Variants in FNTB observed in about 807,000 individuals in gnomAD.
FNTB encodes protein farnesyltransferase subunit beta.
FNTB carries 27 observed loss-of-function variants against 59.4 expected under a neutral mutation model. That is an observed-to-expected ratio of 0.45 (90% CI 0.34 to 0.63). FNTB has a LOEUF of 0.63. FNTB is among the 20% of genes least tolerant of loss of function. FNTB has a pLI of 0.02. For synonymous variants in FNTB, 230 were observed against 220.7 expected (o/e 1.04, Z -0.37); for missense variants, 449 against 559.6 (o/e 0.80, Z 1.99).
intron 7 of FNTB, among the ~76,000 whole-genome samples, chr14:65,037,346 G>T (rs145164527): frequency 7.5e-6 from 1 of 133,700 alleles, no homozygotes; most frequent in Non-Finnish European, 1.5e-5. Context: ...TCAAGTGATC[G>T]CCTGCCTCGG....
At chr14:65,050,311 G>A (rs1388857405) in intron 9 of FNTB, among the ~76,000 whole-genome samples, 1 of 152,180 alleles carries the variant, frequency 6.6e-6, no homozygotes, top group Non-Finnish European at 1.5e-5. Flanking sequence ...AGTAACTAAA[G>A]CTGGCCGGGC....
At chr14:65,057,468 T>C (rs2062762094) in intron 11 of FNTB, among the ~76,000 whole-genome samples, 1 of 152,168 alleles carries the variant, frequency 6.6e-6, no homozygotes, top group Admixed American at 6.5e-5. Context: ...TTTGAAGTGG[T>C]CAAATCTATT....
intron 9 of FNTB, among the ~76,000 whole-genome samples, chr14:65,051,096 G>C (rs1301476321): frequency 3.3e-5 from 5 of 152,246 alleles, no homozygotes; most frequent in Admixed American, 3.3e-4. Flanking sequence ...TGAGATGGGA[G>C]ATTGGATGCT....
At chr14:65,060,474 A>C (rs1414877220) in intron 11 of FNTB, among the ~76,000 whole-genome samples, 1 of 129,840 alleles carries the variant, frequency 7.7e-6, no homozygotes, top group Non-Finnish European at 1.5e-5. Context: ...AGGCGGGCGG[A>C]TCACGAGGTC....
intron 9 of FNTB, among the ~76,000 whole-genome samples, chr14:65,048,670 T>C (rs1172981913): frequency 6.6e-6 from 1 of 152,052 alleles, no homozygotes; most frequent in African/African-American, 2.4e-5. Context: ...CTGGGCAATA[T>C]AGTGAGAGCT....
intron 1 of FNTB, among the ~76,000 whole-genome samples, chr14:64,993,494 C>T (rs1212819529): frequency 3.3e-5 from 5 of 152,216 alleles, no homozygotes; most frequent in African/African-American, 9.6e-5. Flanking sequence ...AAACTTCCTA[C>T]AGCAAGAGGT....
intron 7 of FNTB, among the ~76,000 whole-genome samples, chr14:65,039,876 A>G (rs1287216606): frequency 6.6e-6 from 1 of 152,194 alleles, no homozygotes; most frequent in Non-Finnish European, 1.5e-5. Context: ...GAAAAATATT[A>G]CTAGTAGACC....
At chr14:65,040,250 T>C (rs2062314308) in intron 7 of FNTB, among the ~76,000 whole-genome samples, 1 of 121,954 alleles carries the variant, frequency 8.2e-6, no homozygotes, top group Non-Finnish European at 2.0e-5. Flanking sequence ...GTTATCACTA[T>C]ATATATATGT....
intron 2 of FNTB, 27 bp downstream of exon 2, chr14:65,004,340 G>T (rs774119852): frequency 1.2e-5 from 19 of 1,607,306 alleles, no homozygotes; most frequent in Non-Finnish European, 1.6e-5. Flanking sequence ...AGTTTGAGGG[G>T]ATCTGGGAGA....
In FNTB at chr14:64,986,938, T is replaced by A. The variant is rs755260685; in HGVS notation, c.-16T>A. The A allele has an allele frequency of 7.4e-6, 12 of 1,614,064 alleles. No individual in the cohort carries two copies. The African/African-American group carries it at 1.6e-4, about 22-fold the overall frequency. On this transcript the variant is annotated 5_prime_UTR_variant, in exon 1 of 12. Transcript: ENST00000246166. ...ACGAAGCAGAGTCCTACACACTGTC[T>A]GCTGCTCTCCTGATCATGGCTTCTC...
chr14:65,004,863 G>A (rs754851950), intron 2 of FNTB, among the ~76,000 whole-genome samples: 4 of 151,958 alleles, frequency 2.6e-5, no homozygotes, highest in South Asian at 2.1e-4. Context: ...GGGTTTCACC[G>A]TGTTGGCCAG....
At chr14:65,006,607 G>T (rs1396562253) in intron 2 of FNTB, among the ~76,000 whole-genome samples, 1 of 152,158 alleles carries the variant, frequency 6.6e-6, no homozygotes, top group Non-Finnish European at 1.5e-5. Context: ...TGTTGTTGTG[G>T]TTGTACCCCC....
rs1342773563 is a variant in FNTB, at chr14:65,014,740, G to A, written c.283-885G>A. Among the ~76,000 whole-genome samples, 2 of 152,110 alleles carry A rather than the reference G, an allele frequency of 1.3e-5. No homozygotes were observed. Among genetic ancestry groups the A allele is most frequent in the Non-Finnish European group, 2.9e-5 (2 of 68,010 alleles). The stretch of plus-strand genomic sequence containing the variant: ...GAGGTGGGAGGATTGCTTGAGCCCG[G>A]GAGGTTGAGGCTGCAGTGAGCTGAG... On this transcript the variant is annotated intron_variant, in intron 3 of 11. Transcript: ENST00000246166. This position sits in a 1 kb window ranked among gnomAD's most constrained non-coding sequence, Gnocchi z 5.1.
chr14:65,025,772 T>C (rs1478384047), intron 4 of FNTB, among the ~76,000 whole-genome samples: 5 of 152,210 alleles, frequency 3.3e-5, no homozygotes, highest in Non-Finnish European at 5.9e-5. Flanking sequence ...GCCGTGATTA[T>C]GCCGCTGTCC....
chr14:65,016,918 T>G (rs2061784188), intron 4 of FNTB, among the ~76,000 whole-genome samples: 3 of 128,358 alleles, frequency 2.3e-5, no homozygotes, highest in Admixed American at 8.3e-5. Flanking sequence ...AAGGCCCACG[T>G]GGTTTTTTTT....
intron 1 of FNTB, among the ~76,000 whole-genome samples, chr14:64,996,167 T>C (rs577839915): frequency 6.7e-6 from 1 of 149,604 alleles, no homozygotes; most frequent in South Asian, 2.1e-4. Context: ...CAACCAAGCC[T>C]GGGCTGGGCA....
chr14:65,018,241 C>T (rs1050520860), intron 4 of FNTB, among the ~76,000 whole-genome samples: 18 of 151,816 alleles, frequency 1.2e-4, no homozygotes, highest in South Asian at 2.1e-4. Flanking sequence ...CTCAGGAGGC[C>T]GAGACAGGAG....
rs1043070214 is a variant in FNTB, at chr14:65,023,214, G to A, written c.375-4239G>A. ...GCTGGGGCTAGAGGTGGGTGCCAAC[G>A]TGCCTGGTTAATTTTTATAATTCTT... On this transcript the variant is annotated intron_variant, in intron 4 of 11. Transcript: ENST00000246166. The surrounding 1 kb of genome is among the most constrained non-coding windows in gnomAD (Gnocchi z 4.1). 2.6e-5 allele frequency among the ~76,000 whole-genome samples: 4 copies of A among 152,046 alleles called. No individual in the cohort carries two copies. Among genetic ancestry groups the A allele is most frequent in the African/African-American group, 7.2e-5 (3 of 41,386 alleles).
intron 11 of FNTB, among the ~76,000 whole-genome samples, chr14:65,059,116 G>A (rs1224945850): frequency 2.6e-5 from 4 of 152,082 alleles, no homozygotes; most frequent in African/African-American, 9.7e-5. Context: ...TGGAACTCCT[G>A]GGCTCAAGCT....
Sources: gnomAD v4.1 joint callset for allele counts (sites outside exome capture counted in the v4.1 genomes callset) on GRCh38, gnomAD v4.1.1 for gene constraint, Gnocchi (gnomAD v3.1) non-coding constraint, MANE v1.5 for transcripts, NCBI Gene and HGNC (gene_info 2026-07-23, HGNC 2026-07-21) for gene names.